MYO5A: variants seen among roughly 807,000 people sequenced by gnomAD.
MYO5A encodes myosin VA.
A neutral mutation model predicts 249.7 loss-of-function variants in MYO5A; 98 were observed. The ratio of observed to expected loss-of-function variants is 0.39; its 90% CI spans 0.33 to 0.46. The LOEUF is 0.46. Among genes scored for constraint, MYO5A ranks in the 20% least tolerant of loss-of-function variants. The pLI is 0.98. For synonymous variants in MYO5A, 778 were observed against 810.6 expected, an observed-to-expected ratio of 0.96 and a Z score of 0.68; for missense variants, 1,696 against 2,308.8, an observed-to-expected ratio of 0.73 and a Z score of 5.44.
At chr15:52,372,885 C>T (rs139675229) in intron 20 of MYO5A, among the ~76,000 whole-genome samples, 8 of 151,996 alleles carry the variant, frequency 5.3e-5, no homozygotes, top group East Asian at 1.9e-4. Context: ...CATGAGGACA[C>T]GGGGTATGGG....
intron 10 of MYO5A, 91 bp downstream of exon 10, chr15:52,397,110 T>G (rs1016217053): frequency 6.8e-7 from 1 of 1,465,628 alleles, no homozygotes; most frequent in Admixed American, 1.7e-5. Context: ...TCTTTACCAG[T>G]AGGAAACAGA....
At chr15:52,341,646 TGTTAACA>T (rs1281701517) in intron 31 of MYO5A, among the ~76,000 whole-genome samples, 1 of 130,726 alleles carries the variant, frequency 7.6e-6, no homozygotes, top group Non-Finnish European at 1.6e-5. Context: ...GCAAGCAAAC[TGTTAACA>T]GTGGACTAAA....
intron 16 of MYO5A, 56 bp from the exon 17 acceptor site, chr15:52,379,964 A>G (rs773294018): frequency 6.4e-7 from 1 of 1,551,104 alleles, no homozygotes; most frequent in Admixed American, 1.7e-5. Context: ...GTGGCCACAA[A>G]TTACTCTCCT....
At chr15:52,390,212 A>T (rs2042158767) in intron 12 of MYO5A, among the ~76,000 whole-genome samples, 1 of 152,162 alleles carries the variant, frequency 6.6e-6, no homozygotes, top group Admixed American at 6.5e-5. Flanking sequence ...AGAATGAATA[A>T]GCCCTAGTAT....
chr15:52,352,306 C>T (rs1274468413), intron 27 of MYO5A, among the ~76,000 whole-genome samples: 2 of 152,220 alleles, frequency 1.3e-5, no homozygotes, highest in Non-Finnish European at 1.5e-5. Flanking sequence ...TCACAAGATA[C>T]TGGTTGGGAA....
chr15:52,525,413 A>G (rs909755842), intron 1 of MYO5A, among the ~76,000 whole-genome samples: 2 of 152,220 alleles, frequency 1.3e-5, no homozygotes, highest in African/African-American at 4.8e-5. Flanking sequence ...CTGCTGGAAA[A>G]ACTTACAAAA....
At chr15:52,366,798 C>T (rs1320337159) in intron 23 of MYO5A, among the ~76,000 whole-genome samples, 2 of 152,004 alleles carry the variant, frequency 1.3e-5, no homozygotes, top group African/African-American at 2.4e-5. Flanking sequence ...CTGACTGAAC[C>T]GGAGTTCACA....
At chr15:52,401,331 A>G (rs774964778) in intron 9 of MYO5A, among the ~76,000 whole-genome samples, 2 of 152,192 alleles carry the variant, frequency 1.3e-5, no homozygotes, top group Admixed American at 6.5e-5. Context: ...CAGCCTCCCA[A>G]AGTGCTGGGA....
rs185394528 is a variant in MYO5A, at chr15:52,464,150, T to C, written c.28-30865A>G. On this transcript the variant is annotated intron_variant, in intron 1 of 41. Transcript: ENST00000399233. ...TAAATTAGATAAGGCTTAAAACCAC[T>C]ACACAGTTTTGTCGCCAGCCCAACC... Among the ~76,000 whole-genome samples, 357 of 152,330 alleles carry C rather than the reference T, an allele frequency of 2.3e-3. 1 individual carries two copies. The highest frequency in any genetic ancestry group is 8.2e-3 in the African/African-American group (341 of 41,568).
At chr15:52,395,961 G>A (rs894789384) in intron 11 of MYO5A, among the ~76,000 whole-genome samples, 3 of 152,302 alleles carry the variant, frequency 2.0e-5, no homozygotes, top group East Asian at 3.9e-4. Context: ...TAGCAAGTAA[G>A]CATTAAGATG....
chr15:52,457,871 G>A (rs745645535), intron 1 of MYO5A, among the ~76,000 whole-genome samples: 14 of 152,060 alleles, frequency 9.2e-5, no homozygotes, highest in South Asian at 2.1e-4. Flanking sequence ...AGTGTCCACC[G>A]ACAGATCAAC....
intron 1 of MYO5A, among the ~76,000 whole-genome samples, chr15:52,476,212 C>A (rs1277400082): frequency 6.6e-6 from 1 of 152,088 alleles, no homozygotes; most frequent in African/African-American, 2.4e-5. Flanking sequence ...AGGATTGCAA[C>A]CCCTGCCTTT....
rs145867391 is a variant in MYO5A, at chr15:52,351,487, T to C, written c.3622-6A>G. On this transcript the variant is annotated splice_region_variant and splice_polypyrimidine_tract_variant and intron_variant, in intron 27 of 41. Coordinates refer to ENST00000399233, the MANE Select transcript of MYO5A (RefSeq NM_001382347.1). ...TCTGATTCTAGTTCTTGACGCTGTA[T>C]GAAAAGACAAAGAAAAGTTCATTGC... is the stretch of plus-strand genomic sequence containing the variant. 1 of 1,613,220 alleles carries C rather than the reference T, an allele frequency of 6.2e-7. No homozygotes were observed. Among genetic ancestry groups the C allele is most frequent in the Non-Finnish European group, 8.5e-7 (1 of 1,179,172 alleles).
At chr15:52,436,681 T>C (rs1294271394) in intron 1 of MYO5A, among the ~76,000 whole-genome samples, 2 of 152,258 alleles carry the variant, frequency 1.3e-5, no homozygotes, top group Non-Finnish European at 2.9e-5. Flanking sequence ...CAGGCAGTAC[T>C]TAGAACAGTA....
At chr15:52,391,588 T>C (rs2042238948) in intron 12 of MYO5A, among the ~76,000 whole-genome samples, 1 of 152,212 alleles carries the variant, frequency 6.6e-6, no homozygotes, top group Admixed American at 6.5e-5. Context: ...AGAACTGTTA[T>C]TCAAAATATC....
intron 39 of MYO5A, among the ~76,000 whole-genome samples, chr15:52,318,635 A>AT (rs1426316140): frequency 6.6e-6 from 1 of 152,138 alleles, no homozygotes; most frequent in East Asian, 1.9e-4. Context: ...ACAAAAAGGT[A>AT]TTTTTCCAAA....
At position 52,483,564 on chromosome 15, in the gene MYO5A, A is replaced by T. The variant is rs377230040; in HGVS notation, c.27+45216T>A. On this transcript the variant is annotated intron_variant, in intron 1 of 41. Transcript: ENST00000399233. Reference sequence around the variant, plus strand: ...AACAAAAAACTATGGGTGCAAGGACACGCCTAGAAATTTCTAAAAAACCCA... The same window carrying T: ...AACAAAAAACTATGGGTGCAAGGACTCGCCTAGAAATTTCTAAAAAACCCA... Among the ~76,000 whole-genome samples the T allele has an allele frequency of 5.9e-5, 9 of 152,218 alleles. No individual in the cohort carries two copies. The East Asian group carries it at 1.7e-3, about 29-fold the overall frequency.
At chr15:52,493,822 TAG>T (rs1031525756) in intron 1 of MYO5A, among the ~76,000 whole-genome samples, 13 of 152,130 alleles carry the variant, frequency 8.5e-5, no homozygotes, top group Admixed American at 8.5e-4. Flanking sequence ...ACAGCCTCCA[TAG>T]ACAAGAATTG....
At chr15:52,384,085 G>T in intron 15 of MYO5A, 76 bp downstream of exon 15, 1 of 1,576,304 alleles carries the variant, frequency 6.3e-7, no homozygotes, top group Non-Finnish European at 8.7e-7. Flanking sequence ...CACCTGGGAG[G>T]CTGAAGAGGG....
Sources: gnomAD v4.1 joint callset for allele counts (sites outside exome capture counted in the v4.1 genomes callset) on GRCh38, gnomAD v4.1.1 for gene constraint, MANE v1.5 for transcripts, NCBI Gene and HGNC (gene_info 2026-07-23, HGNC 2026-07-21) for gene names.